SNRPN: variants seen among roughly 807,000 people sequenced by gnomAD.
The protein encoded by SNRPN is small nuclear ribonucleoprotein-associated protein N.
A neutral mutation model predicts 25.2 loss-of-function variants in SNRPN; 7 were observed. That is an observed-to-expected ratio of 0.28 (90% confidence interval 0.16 to 0.52). The LOEUF (loss-of-function observed/expected upper bound fraction) is 0.52. Among genes scored for constraint, SNRPN ranks in the 20% least tolerant of loss-of-function variants. The probability of loss-of-function intolerance (pLI) is 0.96; values close to 1 mark genes in which losing one functional copy is unlikely to be tolerated. For missense variants in SNRPN, 196 were observed against 322.5 expected, an observed-to-expected ratio of 0.61 and a Z score of 3.00; for synonymous variants, 124 against 110.6, an observed-to-expected ratio of 1.12 and a Z score of -0.76.
rs994520605 is a variant in SNRPN at position 24,918,997 on chromosome 15, A to G, written c.-504-1014A>G. Among the ~76,000 whole-genome samples the G allele has an allele frequency of 7.7e-4, 73 of 94,722 alleles. 3 individuals are homozygous for G. Among genetic ancestry groups the G allele is most frequent in the Non-Finnish European group, 1.4e-3 (58 of 40,882 alleles). The allele number at this position is 94,722 out of a possible 152,430, so 62.1% of individuals were successfully genotyped here. ...TATATAACATAATATATATGTGCGC[A>G]TATATATATAACATAATATATATGT... On this transcript the variant is annotated intron_variant, in intron 2 of 11. Coordinates refer to the SNRPN transcript ENST00000400097.
intron 2 of SNRPN, among the ~76,000 whole-genome samples, chr15:24,904,658 AAAAAG>A (rs139609282): frequency 0.42 from 61,903 of 149,044 alleles, 12,959 homozygotes; most frequent in African/African-American, 0.44. Flanking sequence ...CCCTCTTGGG[AAAAAG>A]AAAAGAAAAG....
chr15:24,928,032 A>G (rs1427399447), intron 3 of SNRPN, among the ~76,000 whole-genome samples: 1 of 152,232 alleles, frequency 6.6e-6, no homozygotes, highest in East Asian at 1.9e-4. Flanking sequence ...ACAATGAGAT[A>G]TCATCTCATC....
chr15:24,853,120 A>G (rs118059672), upstream of SNRPN, among the ~76,000 whole-genome samples: 12 of 152,348 alleles, frequency 7.9e-5, no homozygotes, highest in East Asian at 2.1e-3. Context: ...GAGTTTACAT[A>G]TACCACACAC....
chr15:24,951,162 C>T (rs1566944309), upstream of SNRPN, among the ~76,000 whole-genome samples: 1 of 152,026 alleles, frequency 6.6e-6, no homozygotes, highest in Non-Finnish European at 1.5e-5. Context: ...CGTGCCTGGC[C>T]GTTTTCATTT....
intron 1 of SNRPN, among the ~76,000 whole-genome samples, chr15:24,878,852 A>T (rs2056290059): frequency 6.6e-6 from 1 of 151,954 alleles, no homozygotes; most frequent in Non-Finnish European, 1.5e-5. Flanking sequence ...ATTGTCCTTA[A>T]GATTCTTTAT....
chr15:24,894,391 TG>T (rs2057927951), intron 2 of SNRPN, among the ~76,000 whole-genome samples: 1 of 152,108 alleles, frequency 6.6e-6, no homozygotes, highest in East Asian at 1.9e-4. Context: ...GCTAATTTTT[TG>T]TATTTTTAGT....
chr15:24,860,045 A>T (rs937550799), intron 1 of SNRPN, among the ~76,000 whole-genome samples: 1 of 152,150 alleles, frequency 6.6e-6, no homozygotes, highest in Non-Finnish European at 1.5e-5. Context: ...CCATCTGGGA[A>T]TGCAGCCCAG....
At chr15:24,842,040 A>G (rs1010613971) in intron 2 of SNRPN, among the ~76,000 whole-genome samples, 24 of 151,988 alleles carry the variant, frequency 1.6e-4, no homozygotes, top group Non-Finnish European at 1.5e-4. Flanking sequence ...TTTACCACCC[A>G]TCCTTATCCA....
chr15:24,921,451 T>C (rs1193702746), intron 3 of SNRPN, among the ~76,000 whole-genome samples: 1 of 152,180 alleles, frequency 6.6e-6, no homozygotes, highest in Non-Finnish European at 1.5e-5. Flanking sequence ...GCCAAACTTA[T>C]TTCCCAGGTA....
chr15:24,842,875 C>T (rs995474452), intron 2 of SNRPN, among the ~76,000 whole-genome samples: 16 of 152,158 alleles, frequency 1.1e-4, no homozygotes, highest in Non-Finnish European at 2.2e-4. Flanking sequence ...GTAGTCTTCC[C>T]ACCATATTTA....
intron 1 of SNRPN, among the ~76,000 whole-genome samples, chr15:24,882,073 C>A (rs59717262): frequency 0.016 from 2,398 of 152,218 alleles, 77 homozygotes; most frequent in African/African-American, 0.055. Flanking sequence ...CTCTTCATAT[C>A]CTTAGTGTAT....
intron 3 of SNRPN, among the ~76,000 whole-genome samples, chr15:24,924,724 A>G (rs915246990): frequency 2.1e-4 from 32 of 151,774 alleles, no homozygotes; most frequent in African/African-American, 7.5e-4. Flanking sequence ...CCTGACCTCA[A>G]GTGATCCTCC....
upstream of SNRPN, among the ~76,000 whole-genome samples, chr15:24,952,029 A>G (rs1417618961): frequency 6.6e-6 from 1 of 152,094 alleles, no homozygotes; most frequent in African/African-American, 2.4e-5. Flanking sequence ...TCAAGGTTAC[A>G]CGGATTTATA....
At position 24,905,183 on chromosome 15, in the gene SNRPN, GA is replaced by G. The variant is rs1489883553; in HGVS notation, c.-504-14825del. 3.3e-5 allele frequency among the ~76,000 whole-genome samples: 5 copies of G among 151,318 alleles called. No individual in the cohort carries two copies. The East Asian group carries it at 9.8e-4, about 30-fold the overall frequency. Reference sequence around the variant, plus strand: ...CAAGAACACTTCCTTGACTGGCTCAGAAATCCCATCCGATTTTAAGATAGAT... The same window carrying G: ...CAAGAACACTTCCTTGACTGGCTCAGAATCCCATCCGATTTTAAGATAGAT... On this transcript the variant is annotated intron_variant, in intron 2 of 11. Coordinates refer to the SNRPN transcript ENST00000400097.
intron 2 of SNRPN, among the ~76,000 whole-genome samples, chr15:24,896,223 A>G (rs12439229): frequency 0.095 from 14,406 of 152,242 alleles, 899 homozygotes; most frequent in East Asian, 0.27. Flanking sequence ...TGCCTGAAGC[A>G]TGGTGACAGT....
intron 1 of SNRPN, among the ~76,000 whole-genome samples, chr15:24,827,638 G>A (rs927076119): frequency 2.0e-5 from 3 of 151,972 alleles, no homozygotes; most frequent in African/African-American, 7.3e-5. Context: ...GGAGGTTGAG[G>A]CAGGAGGATC....
intron 2 of SNRPN, among the ~76,000 whole-genome samples, chr15:24,900,207 A>C (rs1248530487): frequency 6.6e-6 from 1 of 152,198 alleles, no homozygotes; most frequent in Non-Finnish European, 1.5e-5. Context: ...TACGAACAGA[A>C]AATAACAAGC....
At chr15:24,941,491 A>G (rs2061553675) in intron 3 of SNRPN, among the ~76,000 whole-genome samples, 1 of 152,096 alleles carries the variant, frequency 6.6e-6, no homozygotes, top group Non-Finnish European at 1.5e-5. Flanking sequence ...GGTGACCCAA[A>G]CCTTTGATTT....
chr15:24,938,402 A>G (rs567121115), intron 3 of SNRPN, among the ~76,000 whole-genome samples: 1 of 152,274 alleles, frequency 6.6e-6, no homozygotes, highest in Admixed American at 6.5e-5. Context: ...TGCTGGTATT[A>G]CAGGTGTGAG....
Sources: allele counts gnomAD v4.1 joint callset (sites outside exome capture counted in the v4.1 genomes callset), GRCh38; gene constraint gnomAD v4.1.1; transcripts MANE v1.5; gene names NCBI Gene and HGNC (gene_info 2026-07-23, HGNC 2026-07-21).